Variants in GABRG3 observed in about 807,000 individuals in gnomAD.
GABRG3 encodes gamma-aminobutyric acid receptor subunit gamma-3.
GABRG3 carries 25 observed loss-of-function variants against 48.8 expected under a neutral mutation model. That is an observed-to-expected ratio of 0.51 (90% CI 0.37 to 0.72). GABRG3 has a LOEUF of 0.72. Ranked by LOEUF, GABRG3 falls within the 30% of genes least tolerant of loss-of-function variation. The pLI, the probability that GABRG3 is intolerant of heterozygous loss-of-function variation, is 0.00. For synonymous variants in GABRG3, 227 were observed against 217.6 expected (o/e 1.04, Z -0.38); for missense variants, 394 against 577.9 (o/e 0.68, Z 3.26).
intron 3 of GABRG3, among the ~76,000 whole-genome samples, chr15:27,123,262 T>C (rs1897762326): frequency 6.6e-6 from 1 of 152,176 alleles, no homozygotes; most frequent in African/African-American, 2.4e-5. Flanking sequence ...TCTTGGACAT[T>C]GTTATGGTCT....
chr15:27,380,808 C>A (rs550352223), intron 5 of GABRG3, among the ~76,000 whole-genome samples: 1 of 148,708 alleles, frequency 6.7e-6, no homozygotes, highest in East Asian at 2.0e-4. Context: ...CTCTGTTGCC[C>A]AGGCTGGAGT....
At chr15:27,274,109 G>T (rs1045982851) in intron 3 of GABRG3, among the ~76,000 whole-genome samples, 1 of 152,140 alleles carries the variant, frequency 6.6e-6, no homozygotes, top group South Asian at 2.1e-4. Flanking sequence ...TGGAGAAAGA[G>T]ACATAAGCAT....
intron 3 of GABRG3, among the ~76,000 whole-genome samples, chr15:27,139,175 C>T (rs553558575): frequency 5.9e-5 from 9 of 152,276 alleles, no homozygotes; most frequent in Admixed American, 2.6e-4. Flanking sequence ...CGGAGCATGG[C>T]TCAGTCCAAG....
intron 5 of GABRG3, among the ~76,000 whole-genome samples, chr15:27,335,750 T>C (rs1203715580): frequency 6.6e-6 from 1 of 152,146 alleles, no homozygotes; most frequent in African/African-American, 2.4e-5. Flanking sequence ...TGGCGATTGC[T>C]GCCCAACATT....
At chr15:27,261,988 C>G (rs1215968578) in intron 3 of GABRG3, among the ~76,000 whole-genome samples, 1 of 152,188 alleles carries the variant, frequency 6.6e-6, no homozygotes, top group Non-Finnish European at 1.5e-5. Flanking sequence ...GTTTCTTTCT[C>G]CCTCTCTTCC....
At chr15:27,105,496 A>G (rs1337175213) in intron 3 of GABRG3, among the ~76,000 whole-genome samples, 1 of 152,196 alleles carries the variant, frequency 6.6e-6, no homozygotes, top group Non-Finnish European at 1.5e-5. Context: ...GATATACTGT[A>G]TCTTGGGTCA....
At chr15:27,344,017 C>T (rs899158667) in intron 5 of GABRG3, among the ~76,000 whole-genome samples, 2 of 152,214 alleles carry the variant, frequency 1.3e-5, no homozygotes, top group Admixed American at 6.5e-5. Flanking sequence ...GCCAGCAAGG[C>T]AGAGACTATG....
intron 2 of GABRG3, among the ~76,000 whole-genome samples, chr15:27,024,405 G>T: frequency 6.6e-6 from 1 of 152,262 alleles, no homozygotes; most frequent in African/African-American, 2.4e-5. Context: ...GCTTTCCGCC[G>T]TGTTTTCTTC....
At chr15:27,168,425 G>C (rs1887453198) in intron 3 of GABRG3, among the ~76,000 whole-genome samples, 1 of 152,160 alleles carries the variant, frequency 6.6e-6, no homozygotes, top group Admixed American at 6.5e-5. Context: ...ACGTTCAGTT[G>C]TTTAGGTAAG....
chr15:27,409,655 C>G (rs1484202582), intron 5 of GABRG3, among the ~76,000 whole-genome samples: 2 of 152,146 alleles, frequency 1.3e-5, no homozygotes, highest in East Asian at 3.9e-4. Flanking sequence ...TATAAGGAAC[C>G]AGGGAGAATT....
intron 3 of GABRG3, among the ~76,000 whole-genome samples, chr15:27,034,395 A>T (rs1896139764): frequency 6.6e-6 from 1 of 152,180 alleles, no homozygotes; most frequent in African/African-American, 2.4e-5. Context: ...GTTTTATTTA[A>T]AAAAAGAAGT....
intron 3 of GABRG3, among the ~76,000 whole-genome samples, chr15:27,169,596 G>A (rs570814747): frequency 6.6e-6 from 1 of 152,298 alleles, no homozygotes; most frequent in South Asian, 2.1e-4. Flanking sequence ...TCACACACAA[G>A]AGGAGCTGCA....
chr15:27,300,201 A>C (rs992429062), intron 3 of GABRG3, among the ~76,000 whole-genome samples: 4 of 152,174 alleles, frequency 2.6e-5, no homozygotes, highest in African/African-American at 9.7e-5. Context: ...TTTAAGAAAA[A>C]CAGTCTTATG....
chr15:27,444,040 G>GTTCATGTC (rs1888869956), intron 5 of GABRG3, among the ~76,000 whole-genome samples: 1 of 152,086 alleles, frequency 6.6e-6, no homozygotes. Context: ...TTGTTGAAGT[G>GTTCATGTC]TTCATGTCAA....
intron 6 of GABRG3, among the ~76,000 whole-genome samples, chr15:27,481,576 GTTTTGAGAATTAAT>G (rs1890102431): frequency 6.6e-6 from 1 of 152,116 alleles, no homozygotes; most frequent in Non-Finnish European, 1.5e-5. Context: ...TAAGATGCCA[GTTTTGAGAATTAAT>G]TGTAAATATC....
At chr15:27,480,448 C>T (rs536765521) in intron 5 of GABRG3, among the ~76,000 whole-genome samples, 10 of 152,254 alleles carry the variant, frequency 6.6e-5, no homozygotes, top group Middle Eastern at 6.8e-3. Flanking sequence ...CCTGGCCATT[C>T]GTGAAGATCT....
chr15:27,253,832 G>C (rs1766999272), intron 3 of GABRG3, among the ~76,000 whole-genome samples: 1 of 152,224 alleles, frequency 6.6e-6, no homozygotes, highest in African/African-American at 2.4e-5. Flanking sequence ...ATTTTACCAT[G>C]AGCTGAGTTT....
At chr15:27,073,920 C>A (rs567280608) in intron 3 of GABRG3, among the ~76,000 whole-genome samples, 2 of 152,314 alleles carry the variant, frequency 1.3e-5, no homozygotes, top group South Asian at 2.1e-4. Context: ...AGTTTGTTTT[C>A]ATGCTGCTTA....
chr15:27,224,596 T>C (rs1294414904), intron 3 of GABRG3, among the ~76,000 whole-genome samples: 1 of 152,198 alleles, frequency 6.6e-6, no homozygotes, highest in Non-Finnish European at 1.5e-5. Context: ...GCGAGTGGAC[T>C]GGATTTCAAC....
Sources: allele counts gnomAD v4.1 joint callset (sites outside exome capture counted in the v4.1 genomes callset), GRCh38; gene constraint gnomAD v4.1.1; transcripts MANE v1.5; gene names NCBI Gene and HGNC (gene_info 2026-07-23, HGNC 2026-07-21).